The following SGCZ variants were observed in gnomAD, a reference collection of about 807,000 sequenced individuals.
SGCZ encodes the protein sarcoglycan zeta.
In SGCZ, 40 loss-of-function variants were observed where a neutral mutation model predicts 41.3. The ratio of observed to expected loss-of-function variants is 0.97; its 90% CI spans 0.75 to 1.26. SGCZ has a LOEUF of 1.26. Among genes scored for constraint, SGCZ ranks in the 50% most tolerant of loss-of-function variants. The probability of loss-of-function intolerance (pLI) is 0.00; values close to 1 mark genes in which losing one functional copy is unlikely to be tolerated. For synonymous variants in SGCZ, 206 were observed against 137.5 expected, an observed-to-expected ratio of 1.50 and a Z score of -3.49; for missense variants, 552 against 369.8, an observed-to-expected ratio of 1.49 and a Z score of -4.04.
intron 1 of SGCZ, among the ~76,000 whole-genome samples, chr8:14,999,434 G>T (rs537849433): frequency 2.3e-4 from 35 of 152,126 alleles, no homozygotes; most frequent in African/African-American, 8.2e-4. Context: ...GGCAAAGGAG[G>T]AGGAGGAAGA....
chr8:14,710,042 G>A (rs772381030), intron 1 of SGCZ, among the ~76,000 whole-genome samples: 4 of 152,156 alleles, frequency 2.6e-5, no homozygotes, highest in Non-Finnish European at 5.9e-5. Context: ...AAGTCAGAGA[G>A]CAATTCTCAA....
intron 1 of SGCZ, among the ~76,000 whole-genome samples, chr8:14,718,796 T>C (rs28630694): frequency 0.37 from 55,166 of 150,476 alleles, 11,975 homozygotes; most frequent in African/African-American, 0.6. Context: ...AAATCCCTTC[T>C]TCTTACTTCC....
chr8:15,074,297 T>G (rs1221012174), intron 1 of SGCZ, among the ~76,000 whole-genome samples: 1 of 152,170 alleles, frequency 6.6e-6, no homozygotes, highest in Non-Finnish European at 1.5e-5. Context: ...CGAAAAAAAG[T>G]CACCTTCCTC....
chr8:14,389,378 T>G (rs571335398), intron 2 of SGCZ, among the ~76,000 whole-genome samples: 1 of 151,568 alleles, frequency 6.6e-6, no homozygotes, highest in Middle Eastern at 3.4e-3. Flanking sequence ...GTAAATCATG[T>G]TCAAAGTAGA....
At chr8:14,768,952 C>G (rs913910805) in intron 1 of SGCZ, among the ~76,000 whole-genome samples, 2 of 151,956 alleles carry the variant, frequency 1.3e-5, no homozygotes, top group Non-Finnish European at 2.9e-5. Context: ...ATCTTAAATC[C>G]TGATCATTAT....
intron 1 of SGCZ, among the ~76,000 whole-genome samples, chr8:15,134,304 C>CTTTTT (rs59649473): frequency 1.4e-5 from 2 of 145,728 alleles, no homozygotes; most frequent in East Asian, 2.0e-4. Flanking sequence ...AGCATTAGGT[C>CTTTTT]TTTTTTTTTT....
intron 3 of SGCZ, among the ~76,000 whole-genome samples, chr8:14,249,623 T>C (rs1225642621): frequency 2.0e-5 from 3 of 152,180 alleles, no homozygotes; most frequent in African/African-American, 7.2e-5. Context: ...TAGCTATATC[T>C]GAGAAGGCAA....
chr8:14,468,520 T>C (rs1267985015), intron 2 of SGCZ, among the ~76,000 whole-genome samples: 8 of 152,128 alleles, frequency 5.3e-5, no homozygotes, highest in Non-Finnish European at 1.2e-4. Flanking sequence ...TCTAGTTTAT[T>C]AGATCTTGAG....
At chr8:15,107,032 T>C (rs1054319487) in intron 1 of SGCZ, among the ~76,000 whole-genome samples, 8 of 152,210 alleles carry the variant, frequency 5.3e-5, no homozygotes, top group Non-Finnish European at 8.8e-5. Context: ...CTGATCTAAA[T>C]CTGCATTCCT....
intron 2 of SGCZ, among the ~76,000 whole-genome samples, chr8:14,469,393 T>A (rs1227698876): frequency 6.6e-6 from 1 of 152,088 alleles, no homozygotes; most frequent in African/African-American, 2.4e-5. Context: ...ATCCAATCCC[T>A]CTCACATATG....
intron 1 of SGCZ, among the ~76,000 whole-genome samples, chr8:15,173,910 T>A (rs1028185780): frequency 2.0e-5 from 3 of 152,142 alleles, no homozygotes; most frequent in African/African-American, 7.2e-5. Context: ...TTATTTTTAA[T>A]AGAGGCAAAG....
intron 1 of SGCZ, among the ~76,000 whole-genome samples, chr8:14,699,798 T>C (rs1809077439): frequency 6.6e-6 from 1 of 151,824 alleles, no homozygotes; most frequent in Non-Finnish European, 1.5e-5. Flanking sequence ...ACAAAAGACA[T>C]GAACGGGCAC....
intron 2 of SGCZ, among the ~76,000 whole-genome samples, chr8:14,553,287 G>T (rs1803928985): frequency 6.6e-6 from 1 of 151,970 alleles, no homozygotes; most frequent in Non-Finnish European, 1.5e-5. Flanking sequence ...TGATTCAGAT[G>T]CATTCCCAGA....
intron 1 of SGCZ, among the ~76,000 whole-genome samples, chr8:14,948,460 GTCTTA>G (rs1800525525): frequency 6.7e-6 from 1 of 148,304 alleles, no homozygotes; most frequent in African/African-American, 2.4e-5. Flanking sequence ...ACACTCATCT[GTCTTA>G]TCTTATGAGA....
At chr8:14,667,464 C>T (rs951849038) in intron 1 of SGCZ, among the ~76,000 whole-genome samples, 2 of 152,116 alleles carry the variant, frequency 1.3e-5, no homozygotes, top group African/African-American at 2.4e-5. Context: ...AAAAGCTTGT[C>T]GTACCACACC....
chr8:14,697,858 A>G (rs1809015245), intron 1 of SGCZ, among the ~76,000 whole-genome samples: 1 of 151,958 alleles, frequency 6.6e-6, no homozygotes, highest in African/African-American at 2.4e-5. Context: ...TCTTTTCATC[A>G]GTAATATTGA....
chr8:14,301,426 T>C (rs1801185316), intron 3 of SGCZ, among the ~76,000 whole-genome samples: 1 of 152,082 alleles, frequency 6.6e-6, no homozygotes, highest in South Asian at 2.1e-4. Context: ...GAGTTAATTA[T>C]AACATGATAC....
chr8:14,696,922 A>T (rs1396319938), intron 1 of SGCZ, among the ~76,000 whole-genome samples: 3 of 151,434 alleles, frequency 2.0e-5, no homozygotes, highest in African/African-American at 7.3e-5. Flanking sequence ...TTCCCAAGTG[A>T]TGACAGTGAA....
chr8:15,231,638 T>C (rs13280291), intron 1 of SGCZ, among the ~76,000 whole-genome samples: 1 of 141,900 alleles, frequency 7.0e-6, no homozygotes, highest in African/African-American at 2.7e-5. Context: ...TTTTTTTTTT[T>C]GGAGACAGGT....
Sources: allele counts gnomAD v4.1 joint callset (sites outside exome capture counted in the v4.1 genomes callset), GRCh38; gene constraint gnomAD v4.1.1; transcripts MANE v1.5; gene names NCBI Gene and HGNC (gene_info 2026-07-23, HGNC 2026-07-21).